Variants in NPHP4 observed in about 807,000 individuals in gnomAD.
The protein encoded by NPHP4 is nephrocystin 4.
A neutral mutation model predicts 155.8 loss-of-function variants in NPHP4; 151 were observed. The observed-to-expected ratio is 0.97, with a 90% CI of 0.85 to 1.11. NPHP4 has a LOEUF of 1.11. NPHP4 is among the 50% of genes least tolerant of loss of function. The pLI, the probability that NPHP4 is intolerant of heterozygous loss-of-function variation, is 0.00. For synonymous variants in NPHP4, 845 were observed against 816.8 expected (o/e 1.03, Z -0.59); for missense variants, 1,956 against 1,925.7 (o/e 1.02, Z -0.29).
rs59949989 is a variant in NPHP4, at chr1:5,884,417, A to G, written c.2485+2869T>C. 5.0e-3 allele frequency among the ~76,000 whole-genome samples: 759 copies of G among 152,164 alleles called. 4 individuals carry two copies. The highest frequency in any genetic ancestry group is 0.018 in the African/African-American group (733 of 41,476). On this transcript the variant is annotated intron_variant, in intron 18 of 29. Transcript: ENST00000378156. The stretch of plus-strand genomic sequence containing the variant: ...AAAGGTCACAGAACACAAGTAACAC[A>G]CAAGCTCCCAGCCGAACCCCCGTCC...
chr1:5,959,047 G>A (rs1026999030), intron 6 of NPHP4, among the ~76,000 whole-genome samples: 3 of 142,230 alleles, frequency 2.1e-5, no homozygotes, highest in Admixed American at 1.4e-4. Context: ...GGCGGGGGGC[G>A]GGGGGGCGGC....
chr1:5,867,673 C>T lies in NPHP4; in HGVS notation c.3472+67G>A. On this transcript the variant is annotated intron_variant, in intron 24 of 29. Transcript: ENST00000378156. The surrounding 1 kb of genome is among the most constrained non-coding windows in gnomAD (Gnocchi z 4.1). ...AAGCCATGAGGCCATCTGTCACCCT[C>T]AAGAGGTATCTACTTCCAACAGGTG... The T allele has an allele frequency of 6.5e-7, 1 of 1,545,346 alleles. No individual in the cohort carries two copies. The highest frequency in any genetic ancestry group is 8.8e-7 in the Non-Finnish European group (1 of 1,135,048).
At chr1:5,898,124 T>G (rs10864631) in intron 16 of NPHP4, among the ~76,000 whole-genome samples, 1 of 152,142 alleles carries the variant, frequency 6.6e-6, no homozygotes. Context: ...CCGCGTTCTT[T>G]GGAAGAACAG....
chr1:5,868,993 GCACA>G (rs1272389831), intron 23 of NPHP4, among the ~76,000 whole-genome samples: 2 of 71,378 alleles, frequency 2.8e-5, no homozygotes, highest in Non-Finnish European at 5.4e-5. Flanking sequence ...ACCCACACAT[GCACA>G]CACACGCACC....
intron 3 of NPHP4, among the ~76,000 whole-genome samples, chr1:5,970,000 A>G (rs1271018296): frequency 6.6e-6 from 1 of 152,080 alleles, no homozygotes; most frequent in Non-Finnish European, 1.5e-5. Flanking sequence ...AAGGTTTTCC[A>G]CTCACACCTT....
chr1:5,969,464 G>A (rs550022097), intron 3 of NPHP4, among the ~76,000 whole-genome samples: 4 of 152,210 alleles, frequency 2.6e-5, no homozygotes, highest in African/African-American at 9.6e-5. Flanking sequence ...CTGAAATGTT[G>A]GTGTCGGAGC....
intron 16 of NPHP4, among the ~76,000 whole-genome samples, chr1:5,895,804 C>T (rs940157848): frequency 3.9e-5 from 6 of 152,226 alleles, no homozygotes; most frequent in Non-Finnish European, 8.8e-5. Context: ...AGGAGACCGG[C>T]TGAATAAAGA....
chr1:5,921,919 A>G (rs1391696418), intron 11 of NPHP4, among the ~76,000 whole-genome samples: 1 of 152,244 alleles, frequency 6.6e-6, no homozygotes, highest in Non-Finnish European at 1.5e-5. Context: ...AAGCGGAGTA[A>G]CTGCTGCCAC....
intron 26 of NPHP4, chr1:5,866,112 C>T: frequency 1.9e-6 from 1 of 530,402 alleles, no homozygotes. Context: ...TATCTGGGGA[C>T]AGAGGCTGAC....
At chr1:5,990,545 GC>G (rs1467603524) in intron 1 of NPHP4, among the ~76,000 whole-genome samples, 1 of 152,054 alleles carries the variant, frequency 6.6e-6, no homozygotes, top group East Asian at 1.9e-4. Flanking sequence ...CAACAACTCT[GC>G]CAAATGAGAA....
rs761766585 is a variant in NPHP4, at chr1:5,889,122, G to A, written c.2305-1656C>T. ...TCTCATCGTCGTAGCAACGTGTTAC[G>A]GCCAGCACCCCCAGGAAATCAACTA... On this transcript the variant is annotated intron_variant, in intron 17 of 29. Coordinates refer to ENST00000378156, the MANE Select transcript of NPHP4 (RefSeq NM_015102.5). This position sits in a 1 kb window ranked among gnomAD's most constrained non-coding sequence, Gnocchi z 4.2. 6.6e-6 allele frequency among the ~76,000 whole-genome samples: 1 copy of A among 152,158 alleles called. No homozygotes were observed. Among genetic ancestry groups the A allele is most frequent in the Non-Finnish European group, 1.5e-5 (1 of 68,030 alleles).
intron 2 of NPHP4, among the ~76,000 whole-genome samples, chr1:5,981,072 T>C (rs779344980): frequency 6.6e-6 from 1 of 152,200 alleles, no homozygotes; most frequent in Non-Finnish European, 1.5e-5. Context: ...AATAGTCTGT[T>C]CCCTGCTCTG....
Position 5,891,011 on chromosome 1 carries a change from G to C in NPHP4, c.2161C>G (p.Leu721Val). 1 of 1,557,592 alleles carries C rather than the reference G, an allele frequency of 6.4e-7. No individual in the cohort carries two copies. Among genetic ancestry groups the C allele is most frequent in the Non-Finnish European group, 8.8e-7 (1 of 1,139,674 alleles). The change falls in exon 17 of 30, where the codon CTG (leucine) becomes GTG (valine). Residue 721 changes from leucine to valine, a missense_variant. By Grantham distance (32) the Leu-to-Val change is conservative. Transcript: ENST00000378156. ...TFDAGSPGFQ[L>V]RYMVGPGFLK... is the part of the protein sequence containing the mutation. ...AACCCAGGGCCCACCATGTACCTCA[G>C]CTGGAAGCCAGGAGACCCTGTCAAA...
intron 11 of NPHP4, among the ~76,000 whole-genome samples, chr1:5,921,665 G>A (rs946061750): frequency 5.3e-5 from 8 of 152,262 alleles, no homozygotes; most frequent in East Asian, 3.9e-4. Flanking sequence ...GTTAGCGATC[G>A]CCCAGCAACT....
chr1:5,975,041 T>C (rs1467277924), intron 3 of NPHP4, among the ~76,000 whole-genome samples: 1 of 152,102 alleles, frequency 6.6e-6, no homozygotes, highest in East Asian at 1.9e-4. Flanking sequence ...GCAAAGGGTG[T>C]TTTACGAACC....
At chr1:5,906,592 T>C (rs1047518236) in intron 13 of NPHP4, among the ~76,000 whole-genome samples, 2 of 152,258 alleles carry the variant, frequency 1.3e-5, no homozygotes, top group African/African-American at 4.8e-5. Context: ...ATAATTCCAG[T>C]TAAGACCAAA....
At chr1:5,915,157 G>A (rs1645405740) in intron 11 of NPHP4, among the ~76,000 whole-genome samples, 1 of 152,240 alleles carries the variant, frequency 6.6e-6, no homozygotes, top group Non-Finnish European at 1.5e-5. Flanking sequence ...CGCAGAGGCT[G>A]TTGCTTAGCA....
intron 6 of NPHP4, among the ~76,000 whole-genome samples, chr1:5,953,294 C>T (rs531372845): frequency 2.6e-5 from 4 of 152,222 alleles, no homozygotes; most frequent in African/African-American, 7.2e-5. Context: ...TTAGTAGAGG[C>T]GGGGTTTCAC....
intron 16 of NPHP4, among the ~76,000 whole-genome samples, chr1:5,899,057 G>A (rs1236318189): frequency 2.0e-5 from 3 of 152,230 alleles, no homozygotes. Context: ...ACATGGCGCT[G>A]TCTGGGCTGC....
Sources: gnomAD v4.1 joint callset for allele counts (sites outside exome capture counted in the v4.1 genomes callset) on GRCh38, gnomAD v4.1.1 for gene constraint, Gnocchi (gnomAD v3.1) non-coding constraint, MANE v1.5 for transcripts, NCBI Gene and HGNC (gene_info 2026-07-23, HGNC 2026-07-21) for gene names.